Variants in CALN1 observed in about 807,000 individuals in gnomAD.
CALN1 encodes calcium-binding protein 8.
In CALN1, 17 loss-of-function variants were observed where a neutral mutation model predicts 30.6. That is an observed-to-expected ratio of 0.56 (90% CI 0.38 to 0.83). The LOEUF (loss-of-function observed/expected upper bound fraction) is 0.83. Among genes scored for constraint, CALN1 ranks in the 40% least tolerant of loss-of-function variants. The probability of loss-of-function intolerance (pLI) is 0.00; values close to 1 mark genes in which losing one functional copy is unlikely to be tolerated. For synonymous variants in CALN1, 156 were observed against 131.4 expected (o/e 1.19, Z -1.28); for missense variants, 291 against 354.9 (o/e 0.82, Z 1.45).
intron 3 of CALN1, among the ~76,000 whole-genome samples, chr7:72,194,315 A>G (rs1307813071): frequency 6.6e-6 from 1 of 152,096 alleles, no homozygotes; most frequent in Non-Finnish European, 1.5e-5. Context: ...GGATCATCTG[A>G]GTTCAGGAGT....
intron 3 of CALN1, among the ~76,000 whole-genome samples, chr7:72,153,714 T>C (rs62462829): frequency 0.27 from 41,346 of 151,686 alleles, 6,329 homozygotes; most frequent in Non-Finnish European, 0.35. Flanking sequence ...AAAAGAAAGT[T>C]GTTAGAAAAA....
At chr7:72,165,276 C>A (rs916635327) in intron 3 of CALN1, among the ~76,000 whole-genome samples, 8 of 152,082 alleles carry the variant, frequency 5.3e-5, no homozygotes, top group Non-Finnish European at 1.5e-5. Flanking sequence ...CTAGAAGTGG[C>A]GGCCAGGCAT....
chr7:72,119,363 A>C (rs1808218666), intron 3 of CALN1, among the ~76,000 whole-genome samples: 1 of 152,120 alleles, frequency 6.6e-6, no homozygotes, highest in Non-Finnish European at 1.5e-5. Context: ...CATGAGGCAT[A>C]TTAACTATCA....
chr7:72,467,310 A>AG, the CALN1 span, among the ~76,000 whole-genome samples: 2 of 152,180 alleles, frequency 1.3e-5, no homozygotes, highest in East Asian at 1.9e-4. Flanking sequence ...TCCACACGGC[A>AG]GGGGGGTGCC....
chr7:72,031,349 T>A (rs907401492), intron 4 of CALN1, among the ~76,000 whole-genome samples: 5 of 152,162 alleles, frequency 3.3e-5, no homozygotes, highest in African/African-American at 1.2e-4. Flanking sequence ...TAATAATAAA[T>A]AATAGGAACT....
At chr7:72,493,132 A>C in the CALN1 span, among the ~76,000 whole-genome samples, 5 of 151,982 alleles carry the variant, frequency 3.3e-5, no homozygotes, top group Admixed American at 3.3e-4. Flanking sequence ...GATATTCCCC[A>C]GTCTCCCGCC....
chr7:72,187,065 T>C lies in CALN1; in HGVS notation c.245-80771A>G, dbSNP rs144932543. On this transcript the variant is annotated intron_variant, in intron 3 of 6. Transcript: ENST00000395275. ...TTGACAATCTGAGACTGATGGAAAT[T>C]TGGTAAAAGAATATGATTGCTTTAG... Among the ~76,000 whole-genome samples, 333 of 152,164 alleles carry C rather than the reference T, an allele frequency of 2.2e-3. 2 individuals carry two copies. Among genetic ancestry groups the C allele is most frequent in the African/African-American group, 7.2e-3 (299 of 41,510 alleles).
chr7:72,249,653 T>C (rs1795420021), intron 3 of CALN1, among the ~76,000 whole-genome samples: 1 of 152,036 alleles, frequency 6.6e-6, no homozygotes, highest in Non-Finnish European at 1.5e-5. Context: ...AATACAAAAA[T>C]TAGCTGGGTG....
intron 2 of CALN1, among the ~76,000 whole-genome samples, chr7:72,293,258 C>T (rs900214515): frequency 6.6e-6 from 1 of 152,062 alleles, no homozygotes; most frequent in Non-Finnish European, 1.5e-5. Context: ...TCTGGAAGGA[C>T]GTAGGGAGAG....
intron 5 of CALN1, among the ~76,000 whole-genome samples, chr7:71,843,602 G>A (rs929470211): frequency 6.6e-6 from 1 of 152,112 alleles, no homozygotes; most frequent in African/African-American, 2.4e-5. Flanking sequence ...CAGACTGGGT[G>A]ACAGAGCAAG....
intron 5 of CALN1, among the ~76,000 whole-genome samples, chr7:71,985,489 CAAAG>C (rs1033339579): frequency 6.7e-6 from 1 of 149,842 alleles, no homozygotes; most frequent in Non-Finnish European, 1.5e-5. Flanking sequence ...ACTTTAAAAA[CAAAG>C]AGAGAACAAC....
intron 6 of CALN1, among the ~76,000 whole-genome samples, chr7:71,791,886 C>T (rs893870104): frequency 1.1e-4 from 17 of 152,132 alleles, no homozygotes; most frequent in African/African-American, 4.1e-4. Flanking sequence ...TGGCGGGCGC[C>T]TGCAGTCCCA....
intron 3 of CALN1, among the ~76,000 whole-genome samples, chr7:72,252,977 A>G (rs34089087): frequency 0.36 from 54,260 of 152,016 alleles, 10,657 homozygotes; most frequent in Middle Eastern, 0.55. Flanking sequence ...AAAACTTCAC[A>G]AAGTTACTTA....
intron 5 of CALN1, among the ~76,000 whole-genome samples, chr7:71,849,297 G>A (rs1042317715): frequency 3.3e-5 from 5 of 152,078 alleles, no homozygotes; most frequent in Admixed American, 6.6e-5. Context: ...AAATTCCCAC[G>A]TAGACCTGGG....
chr7:72,220,012 T>G (rs113482373), intron 3 of CALN1, among the ~76,000 whole-genome samples: 1,837 of 107,504 alleles, frequency 0.017, 33 homozygotes, highest in African/African-American at 0.066. Flanking sequence ...GCAACCAAAT[T>G]GGCAACAATT....
upstream of CALN1, among the ~76,000 whole-genome samples, chr7:72,413,561 T>C (rs1045966794): frequency 2.0e-5 from 3 of 149,934 alleles, no homozygotes; most frequent in Admixed American, 2.0e-4. Context: ...ATGCATGCAC[T>C]CATGCACACC....
intron 5 of CALN1, among the ~76,000 whole-genome samples, chr7:71,999,703 A>G (rs1400692249): frequency 6.6e-6 from 1 of 151,960 alleles, no homozygotes; most frequent in African/African-American, 2.4e-5. Flanking sequence ...TTTAGTAGAG[A>G]CAGGTTTTGC....
At chr7:72,358,473 T>C (rs535104673) in intron 2 of CALN1, among the ~76,000 whole-genome samples, 3 of 150,296 alleles carry the variant, frequency 2.0e-5, no homozygotes, top group South Asian at 2.1e-4. Context: ...GACTTTGACA[T>C]TGTACTTAGC....
intron 2 of CALN1, among the ~76,000 whole-genome samples, chr7:72,331,966 G>T (rs1021572521): frequency 6.6e-6 from 1 of 152,124 alleles, no homozygotes; most frequent in African/African-American, 2.4e-5. Flanking sequence ...TTGATTTTCA[G>T]TTCCTGCGTT....
Sources: allele counts gnomAD v4.1 joint callset (sites outside exome capture counted in the v4.1 genomes callset), GRCh38; gene constraint gnomAD v4.1.1; transcripts MANE v1.5; gene names NCBI Gene and HGNC (gene_info 2026-07-23, HGNC 2026-07-21).